SH3GL3: variants seen among roughly 807,000 people sequenced by gnomAD.
SH3GL3 encodes endophilin-A3.
A neutral mutation model predicts 47.7 loss-of-function variants in SH3GL3; 33 were observed. The ratio of observed to expected loss-of-function variants is 0.69; its 90% CI spans 0.52 to 0.92. The LOEUF (loss-of-function observed/expected upper bound fraction) is 0.92, where lower values mean the gene tolerates loss of function less well. Ranked by LOEUF, SH3GL3 falls within the 40% of genes least tolerant of loss-of-function variation. SH3GL3 has a pLI of 0.00. For missense variants in SH3GL3, 363 were observed against 417.8 expected (o/e 0.87, Z 1.14); for synonymous variants, 155 against 148.8 (o/e 1.04, Z -0.30).
chr15:83,608,462 A>G (rs1210492851), intron 8 of SH3GL3, among the ~76,000 whole-genome samples: 1 of 152,244 alleles, frequency 6.6e-6, no homozygotes, highest in Admixed American at 6.5e-5. Flanking sequence ...TATCAGCATT[A>G]GACACCAGTG....
At chr15:83,459,174 T>A (rs2040150294) in intron 1 of SH3GL3, among the ~76,000 whole-genome samples, 1 of 152,224 alleles carries the variant, frequency 6.6e-6, no homozygotes, top group African/African-American at 2.4e-5. Flanking sequence ...GCCAGTCTAG[T>A]CTTTCCACAT....
intron 1 of SH3GL3, among the ~76,000 whole-genome samples, chr15:83,476,130 A>G (rs776122857): frequency 1.1e-4 from 17 of 152,332 alleles, no homozygotes; most frequent in Admixed American, 3.3e-4. Context: ...TATAACTAGC[A>G]AAAAGTAGAT....
At chr15:83,625,668 TA>T in the SH3GL3 span, among the ~76,000 whole-genome samples, 1 of 152,250 alleles carries the variant, frequency 6.6e-6, no homozygotes, top group Non-Finnish European at 1.5e-5. Flanking sequence ...TATCTACTGT[TA>T]TTTTTTATTT....
chr15:83,558,891 TA>T (rs2045101566), intron 1 of SH3GL3, among the ~76,000 whole-genome samples: 1 of 152,262 alleles, frequency 6.6e-6, no homozygotes, highest in Non-Finnish European at 1.5e-5. Context: ...CTAGTACTAT[TA>T]TTTTTTAATG....
rs369620488 is a variant in SH3GL3 at position 83,561,272 on chromosome 15, C to G, written c.114+1951C>G. Among the ~76,000 whole-genome samples, 43 of 151,910 alleles carry G rather than the reference C, an allele frequency of 2.8e-4. No homozygotes were observed. In the East Asian group the frequency reaches 7.7e-3, roughly 27 times the overall value. On this transcript the variant is annotated intron_variant, in intron 2 of 8. Transcript: ENST00000427482. ...CTCGATAAATTTCCCAAAGTGATTC[C>G]ATAGAACATAAGAATTATAAGGGAA... is the stretch of plus-strand genomic sequence containing the variant.
chr15:83,492,979 A>G (rs368073929), intron 1 of SH3GL3, among the ~76,000 whole-genome samples: 2 of 152,392 alleles, frequency 1.3e-5, no homozygotes, highest in African/African-American at 4.8e-5. Context: ...CCATGGAACA[A>G]GTGAACCTTA....
At chr15:83,509,939 T>C (rs1380100056) in intron 1 of SH3GL3, among the ~76,000 whole-genome samples, 1 of 152,162 alleles carries the variant, frequency 6.6e-6, no homozygotes, top group Non-Finnish European at 1.5e-5. Flanking sequence ...TTTGATTTAG[T>C]CCTTTCACTT....
intron 1 of SH3GL3, among the ~76,000 whole-genome samples, chr15:83,462,837 T>C (rs2040369077): frequency 1.3e-5 from 2 of 152,278 alleles, no homozygotes; most frequent in African/African-American, 4.8e-5. Context: ...TTCTTGTTGC[T>C]CAAATGTGGC....
chr15:83,586,919 CCT>C (rs1211807859), intron 6 of SH3GL3, 62 bp from the exon 7 acceptor site: 18 of 804,118 alleles, frequency 2.2e-5, no homozygotes, highest in African/African-American at 3.5e-5. Context: ...CTGCTGGTCT[CCT>C]CTCTCTCTGG....
rs2039555325 is a variant in SH3GL3, at chr15:83,448,433, A to G, written c.45+855A>G. 8.5e-6 allele frequency among the ~76,000 whole-genome samples: 1 copy of G among 117,134 alleles called. No homozygotes were observed. The highest frequency in any genetic ancestry group is 3.7e-5 in the African/African-American group (1 of 26,822). 76.8% of individuals were successfully genotyped at this position (117,134 alleles called of 152,430 possible). A position where few individuals can be genotyped will look rare whatever the true frequency, so the allele number is the denominator to read the frequency against. Reference sequence around the variant, plus strand: ...GAAACAGGAAAACAGGAGGGGAGACATGAAATTGATGTGTGTGTGTGTGTG... The same window carrying G: ...GAAACAGGAAAACAGGAGGGGAGACGTGAAATTGATGTGTGTGTGTGTGTG... On this transcript the variant is annotated intron_variant, in intron 1 of 8. Coordinates refer to ENST00000427482, the MANE Select transcript of SH3GL3 (RefSeq NM_003027.5). The surrounding 1 kb of genome is among the most constrained non-coding windows in gnomAD (Gnocchi z 4.2).
At chr15:83,556,619 C>T (rs921357462) in intron 1 of SH3GL3, among the ~76,000 whole-genome samples, 8 of 152,284 alleles carry the variant, frequency 5.3e-5, no homozygotes, top group African/African-American at 1.2e-4. Context: ...TATTTTAAAA[C>T]GTGGATCTAC....
At chr15:83,583,137 G>A (rs1203700917) in intron 6 of SH3GL3, among the ~76,000 whole-genome samples, 2 of 152,224 alleles carry the variant, frequency 1.3e-5, no homozygotes, top group Non-Finnish European at 2.9e-5. Context: ...AGAATGGCTT[G>A]TCGTCTTTTG....
At chr15:83,520,842 T>C (rs1022047595) in intron 1 of SH3GL3, among the ~76,000 whole-genome samples, 1 of 152,192 alleles carries the variant, frequency 6.6e-6, no homozygotes, top group African/African-American at 2.4e-5. Flanking sequence ...CTATGTGAGA[T>C]GACAGATATG....
intron 1 of SH3GL3, among the ~76,000 whole-genome samples, chr15:83,518,163 A>G (rs1015867096): frequency 1.3e-5 from 2 of 151,782 alleles, no homozygotes; most frequent in African/African-American, 4.8e-5. Flanking sequence ...ATGTGAACCT[A>G]TCTTTGCTAT....
chr15:83,539,392 A>G (rs961430729), intron 1 of SH3GL3, among the ~76,000 whole-genome samples: 4 of 152,284 alleles, frequency 2.6e-5, no homozygotes, highest in African/African-American at 9.6e-5. Flanking sequence ...CACTAATTCC[A>G]TTCCAGAGGG....
At chr15:83,473,551 C>G in intron 1 of SH3GL3, among the ~76,000 whole-genome samples, 1 of 141,822 alleles carries the variant, frequency 7.1e-6, no homozygotes, top group South Asian at 2.3e-4. Flanking sequence ...TTTGTTGGGG[C>G]TTTTTTTTTT....
chr15:83,468,613 A>G (rs925919042), intron 1 of SH3GL3, among the ~76,000 whole-genome samples: 2 of 152,188 alleles, frequency 1.3e-5, no homozygotes, highest in Admixed American at 6.5e-5. Flanking sequence ...TGATATGATC[A>G]TGTAATTTTT....
chr15:83,469,884 T>G (rs2151528577), intron 1 of SH3GL3, among the ~76,000 whole-genome samples: 1 of 152,370 alleles, frequency 6.6e-6, no homozygotes, highest in Non-Finnish European at 1.5e-5. Context: ...ACTGATTTTC[T>G]GTCTAGTTCT....
intron 3 of SH3GL3, among the ~76,000 whole-genome samples, chr15:83,567,898 G>T (rs1286005411): frequency 1.3e-5 from 2 of 151,978 alleles, no homozygotes; most frequent in Non-Finnish European, 2.9e-5. Flanking sequence ...CACTCGAGGG[G>T]TGGTGCTCAG....
Sources: allele counts gnomAD v4.1 joint callset (sites outside exome capture counted in the v4.1 genomes callset), GRCh38; gene constraint gnomAD v4.1.1; non-coding constraint Gnocchi (gnomAD v3.1); transcripts MANE v1.5; gene names NCBI Gene and HGNC (gene_info 2026-07-23, HGNC 2026-07-21).